VPS13A: variants seen among roughly 807,000 people sequenced by gnomAD.
VPS13A encodes the protein vacuolar protein sorting 13 homolog A.
Under a neutral mutation model 390.9 loss-of-function variants are expected in VPS13A, and 264 were observed. The observed-to-expected ratio is 0.68, with a 90% CI of 0.61 to 0.75. The LOEUF (loss-of-function observed/expected upper bound fraction) is 0.75, where lower values mean the gene tolerates loss of function less well. Among genes scored for constraint, VPS13A ranks in the 30% least tolerant of loss-of-function variants. The pLI is 0.00. For synonymous variants in VPS13A, 1,231 were observed against 1,227.1 expected, an observed-to-expected ratio of 1.00 and a Z score of -0.07; for missense variants, 3,409 against 3,733.9, an observed-to-expected ratio of 0.91 and a Z score of 2.27.
rs370885051 is a variant in VPS13A, at chr9:77,318,181, A to G, written c.4957-54A>G. ...CATAATATATATTTAATATTTCTTG[A>G]CGTAGTATGTTTGAAAGTGTTTTGT... On this transcript the variant is annotated intron_variant, in intron 40 of 71. Transcript: ENST00000360280. 400 of 956,162 alleles carry G rather than the reference A, an allele frequency of 4.2e-4. 4 individuals carry two copies. The African/African-American group carries it at 5.8e-3, about 14-fold the overall frequency. 59.2% of individuals were successfully genotyped at this position (956,162 alleles called of 1,614,324 possible).
intron 71 of VPS13A, among the ~76,000 whole-genome samples, chr9:77,414,465 C>G (rs1341271343): frequency 6.6e-6 from 1 of 152,024 alleles, no homozygotes; most frequent in Admixed American, 6.6e-5. Flanking sequence ...TGGAAACCAT[C>G]ATTCTCAGCA....
At chr9:77,268,467 C>T (rs1420872606) in intron 23 of VPS13A, among the ~76,000 whole-genome samples, 3 of 152,126 alleles carry the variant, frequency 2.0e-5, no homozygotes, top group East Asian at 3.8e-4. Flanking sequence ...GCTCGCCCTC[C>T]GTTGGTTGCA....
intron 53 of VPS13A, 22 bp from the exon 54 acceptor site, chr9:77,353,387 T>G (rs759277515): frequency 5.1e-6 from 8 of 1,561,640 alleles, no homozygotes; most frequent in Non-Finnish European, 7.0e-6. Context: ...GTTTTTTTTT[T>G]TTTTTGGTGG....
chr9:77,189,130 G>A (rs1054252029), intron 1 of VPS13A, among the ~76,000 whole-genome samples: 7 of 126,888 alleles, frequency 5.5e-5, no homozygotes, highest in Admixed American at 1.5e-4. Context: ...GGTCCCACTT[G>A]CCTTTTTTTT....
At chr9:77,307,093 G>A (rs898370521) in intron 34 of VPS13A, among the ~76,000 whole-genome samples, 50 of 151,806 alleles carry the variant, frequency 3.3e-4, no homozygotes, top group Admixed American at 9.8e-4. Context: ...CGGTAGAGTC[G>A]GGGTTTCACC....
At chr9:77,384,966 TA>T in intron 68 of VPS13A, 6 of 1,120,178 alleles carry the variant, frequency 5.4e-6, no homozygotes, top group Non-Finnish European at 6.6e-6. Flanking sequence ...AAGTTAGACT[TA>T]AATATAATTT....
chr9:77,406,558 C>T (rs1054566172), intron 70 of VPS13A, among the ~76,000 whole-genome samples: 2 of 152,170 alleles, frequency 1.3e-5, no homozygotes, highest in African/African-American at 4.8e-5. Flanking sequence ...GCTGGGATTA[C>T]AGGCATGTGC....
At chr9:77,414,202 C>G (rs1300250317) in intron 71 of VPS13A, among the ~76,000 whole-genome samples, 9 of 152,180 alleles carry the variant, frequency 5.9e-5, no homozygotes, top group Admixed American at 3.3e-4. Context: ...GGATCTTGAA[C>G]TAGAAATACC....
At chr9:77,353,265 A>G (rs977865995) in intron 53 of VPS13A, 144 bp from the exon 54 acceptor site, 6 of 636,928 alleles carry the variant, frequency 9.4e-6, no homozygotes, top group South Asian at 4.0e-5. Flanking sequence ...TTCTACAAAT[A>G]TTAATTCATT....
intron 17 of VPS13A, among the ~76,000 whole-genome samples, chr9:77,233,222 T>C (rs1343902616): frequency 6.6e-6 from 1 of 152,168 alleles, no homozygotes; most frequent in Non-Finnish European, 1.5e-5. Flanking sequence ...TTTGTAGTAC[T>C]TTTTATTCCT....
intron 69 of VPS13A, 100 bp from the exon 70 acceptor site, chr9:77,405,764 A>C: frequency 6.9e-7 from 1 of 1,441,270 alleles, no homozygotes; most frequent in East Asian, 2.3e-5. Flanking sequence ...TATGTTGATG[A>C]ATATTGCATT....
chr9:77,194,801 C>A (rs1824893131), intron 1 of VPS13A, among the ~76,000 whole-genome samples: 1 of 152,050 alleles, frequency 6.6e-6, no homozygotes, highest in African/African-American at 2.4e-5. Flanking sequence ...TGTTCACTCT[C>A]AGTGCCTTCC....
At chr9:77,195,424 T>G (rs1268804683) in intron 1 of VPS13A, among the ~76,000 whole-genome samples, 1 of 151,454 alleles carries the variant, frequency 6.6e-6, no homozygotes, top group Non-Finnish European at 1.5e-5. Context: ...TTGCCCAACC[T>G]ATTGATCTTT....
At chr9:77,249,932 T>A (rs921330457) in intron 20 of VPS13A, among the ~76,000 whole-genome samples, 165 bp from the exon 21 acceptor site, 1 of 152,184 alleles carries the variant, frequency 6.6e-6, no homozygotes, top group Non-Finnish European at 1.5e-5. Flanking sequence ...CTCTCCTTAT[T>A]ATTATATATC....
At position 77,225,905 on chromosome 9, in the gene VPS13A, AT is replaced by A; in HGVS notation, c.1162-16del. 1 of 1,584,472 alleles carries A rather than the reference AT, an allele frequency of 6.3e-7. No individual in the cohort carries two copies. The highest frequency in any genetic ancestry group is 8.7e-7 in the Non-Finnish European group (1 of 1,154,430). On this transcript the variant is annotated intron_variant, in intron 13 of 71. Transcript: ENST00000360280. ...AAAGTTATTTTTGTAAAGTTAACACATTTTTGTTTATATTTTTCAGGAGTTG... is the reference window on the plus strand; with the variant it reads ...AAAGTTATTTTTGTAAAGTTAACACATTTTGTTTATATTTTTCAGGAGTTG...
intron 15 of VPS13A, 106 bp from the exon 16 acceptor site, chr9:77,227,285 G>A (rs1027334692): frequency 1.2e-6 from 1 of 813,118 alleles, no homozygotes; most frequent in Non-Finnish European, 2.0e-6. Flanking sequence ...TTTCTTAAGA[G>A]CGTTCAAGAA....
intron 50 of VPS13A, among the ~76,000 whole-genome samples, chr9:77,343,367 A>G (rs1178383259): frequency 6.6e-6 from 1 of 152,162 alleles, no homozygotes; most frequent in African/African-American, 2.4e-5. Flanking sequence ...AGCTCTAACA[A>G]CCAGGTTCTG....
At chr9:77,408,287 A>G (rs1222228020) in intron 71 of VPS13A, among the ~76,000 whole-genome samples, 1 of 151,784 alleles carries the variant, frequency 6.6e-6, no homozygotes, top group Non-Finnish European at 1.5e-5. Context: ...TACTCATTAT[A>G]TCATGAAACT....
rs1828471312 is a variant in VPS13A at position 77,303,007 on chromosome 9, A to G, written c.3905A>G (p.Glu1302Gly). The G allele has an allele frequency of 7.4e-6, 12 of 1,614,064 alleles. No homozygotes were observed. The highest frequency in any genetic ancestry group is 9.3e-6 in the Non-Finnish European group (11 of 1,179,972). ...GTGGTTGAACGAAATTTATGCTGGGAGTGGTACCAGGAAGTTCCTTGTTTT... is the reference window on the plus strand; with the variant it reads ...GTGGTTGAACGAAATTTATGCTGGGGGTGGTACCAGGAAGTTCCTTGTTTT... ...EVVVERNLCW[E>G]WYQEVPCFNV... is the part of the protein sequence containing the mutation. Residue 1302 changes from glutamate (E) to glycine (G), a missense_variant, in exon 34 of 72, where the codon GAG becomes GGG. Around this residue, in one of 5 missense-constraint regions of VPS13A, gnomAD observed 2,717 missense variants for 2,917.4 expected, o/e 0.93. Coordinates refer to ENST00000360280, the MANE Select transcript of VPS13A (RefSeq NM_033305.3).
Sources: allele counts gnomAD v4.1 joint callset (sites outside exome capture counted in the v4.1 genomes callset), GRCh38; gene constraint gnomAD v4.1.1; regional missense constraint gnomAD v4.1.1; transcripts MANE v1.5; gene names NCBI Gene and HGNC (gene_info 2026-07-23, HGNC 2026-07-21).